DGKB: variants seen among roughly 807,000 people sequenced by gnomAD.
The protein encoded by DGKB is diacylglycerol kinase beta.
DGKB carries 67 observed loss-of-function variants against 114.3 expected under a neutral mutation model. The observed-to-expected ratio is 0.59, with a 90% CI of 0.48 to 0.72. DGKB has a LOEUF of 0.72. DGKB is among the 30% of genes least tolerant of loss of function. DGKB has a pLI of 0.00. For missense variants in DGKB, 907 were observed against 975.2 expected, an observed-to-expected ratio of 0.93 and a Z score of 0.93; for synonymous variants, 398 against 323.1, an observed-to-expected ratio of 1.23 and a Z score of -2.49.
At chr7:14,909,767 A>C (rs1435750834) in intron 1 of DGKB, among the ~76,000 whole-genome samples, 2 of 152,186 alleles carry the variant, frequency 1.3e-5, no homozygotes, top group African/African-American at 4.8e-5. Flanking sequence ...ATGGCTTTTG[A>C]GGTGGAATAG....
chr7:14,299,760 T>C (rs1052822319), intron 23 of DGKB, among the ~76,000 whole-genome samples: 1 of 152,092 alleles, frequency 6.6e-6, no homozygotes, highest in Non-Finnish European at 1.5e-5. Flanking sequence ...CTTTCACACC[T>C]GCCGCTTCCC....
In DGKB at chr7:14,614,812, G is replaced by C. The variant is rs1806218935; in HGVS notation, c.1285-1399C>G. Among the ~76,000 whole-genome samples, 2 of 152,030 alleles carry C rather than the reference G, an allele frequency of 1.3e-5. 1 individual carries two copies. On this transcript the variant is annotated intron_variant, in intron 15 of 25. Transcript: ENST00000402815. The stretch of plus-strand genomic sequence containing the variant: ...TTTCTATTTTACTTTCCATTGCAAA[G>C]AGGACAAAGTTTCTTTCTTCCTAAT...
intron 23 of DGKB, among the ~76,000 whole-genome samples, chr7:14,256,143 C>G (rs968616766): frequency 2.6e-5 from 4 of 152,136 alleles, no homozygotes; most frequent in African/African-American, 9.7e-5. Flanking sequence ...TCTATTGAAT[C>G]TTTGCTTTTT....
chr7:14,906,816 T>C (rs1179965371), upstream of DGKB, among the ~76,000 whole-genome samples: 3 of 152,210 alleles, frequency 2.0e-5, no homozygotes, highest in Admixed American at 6.5e-5. Flanking sequence ...CTTTGTCATG[T>C]TAATGTTTTT....
At chr7:14,801,957 T>C (rs2128051866) in intron 2 of DGKB, among the ~76,000 whole-genome samples, 2 of 139,772 alleles carry the variant, frequency 1.4e-5, no homozygotes, top group African/African-American at 5.7e-5. Flanking sequence ...CGCACACACA[T>C]ATACCCCACA....
intron 1 of DGKB, among the ~76,000 whole-genome samples, chr7:14,891,039 T>C (rs1479082849): frequency 6.6e-6 from 1 of 151,232 alleles, no homozygotes; most frequent in Non-Finnish European, 1.5e-5. Flanking sequence ...CTGTTAAACA[T>C]AAAAGAGAGG....
chr7:14,968,639 C>T (rs1382766799), intron 1 of DGKB, among the ~76,000 whole-genome samples: 1 of 152,106 alleles, frequency 6.6e-6, no homozygotes, highest in Non-Finnish European at 1.5e-5. Context: ...TTTGGATTCT[C>T]CTTACAAGGC....
At chr7:14,720,473 TTGTGTGTGTGTGTGTGTG>T (rs61654464) in intron 5 of DGKB, among the ~76,000 whole-genome samples, 25 of 136,558 alleles carry the variant, frequency 1.8e-4, no homozygotes, top group East Asian at 4.3e-4. Context: ...CCCGGCTGAT[TTGTGTGTGTGTGTGTGTG>T]TGTGTGTGTG....
At chr7:14,971,767 T>C (rs1373366257) in intron 1 of DGKB, among the ~76,000 whole-genome samples, 2 of 151,698 alleles carry the variant, frequency 1.3e-5, no homozygotes, top group Admixed American at 1.3e-4. Flanking sequence ...AAAGCATTTT[T>C]TTTTTTTTTT....
At chr7:14,452,265 C>T (rs1831638998) in intron 21 of DGKB, among the ~76,000 whole-genome samples, 1 of 151,868 alleles carries the variant, frequency 6.6e-6, no homozygotes, top group Admixed American at 6.6e-5. Context: ...ATTACTGAAG[C>T]AATAATAATA....
chr7:14,719,170 A>C (rs552236443), intron 5 of DGKB, among the ~76,000 whole-genome samples: 20 of 152,352 alleles, frequency 1.3e-4, no homozygotes, highest in Admixed American at 2.6e-4. Flanking sequence ...AATATTTGCC[A>C]ATACCATGAA....
chr7:14,609,932 A>G (rs1805216094), intron 16 of DGKB, among the ~76,000 whole-genome samples: 1 of 152,120 alleles, frequency 6.6e-6, no homozygotes. Context: ...GTGAATGTAA[A>G]TTAGTTCAGC....
intron 20 of DGKB, among the ~76,000 whole-genome samples, chr7:14,550,899 T>G (rs1795011082): frequency 6.6e-6 from 1 of 152,228 alleles, no homozygotes; most frequent in Non-Finnish European, 1.5e-5. Context: ...TTGATCATTT[T>G]CAAAGCCCAA....
At chr7:14,752,544 G>C (rs981703972) in intron 4 of DGKB, among the ~76,000 whole-genome samples, 1 of 152,172 alleles carries the variant, frequency 6.6e-6, no homozygotes, top group African/African-American at 2.4e-5. Context: ...CACACATAGA[G>C]CAGTAATATG....
chr7:14,668,339 G>C (rs1448939232), intron 13 of DGKB, among the ~76,000 whole-genome samples: 1 of 152,004 alleles, frequency 6.6e-6, no homozygotes, highest in Non-Finnish European at 1.5e-5. Context: ...TTTCTAGTTT[G>C]GGAAAGTTGG....
intron 1 of DGKB, among the ~76,000 whole-genome samples, chr7:14,927,668 T>A (rs1488981422): frequency 6.6e-6 from 1 of 152,118 alleles, no homozygotes; most frequent in East Asian, 1.9e-4. Flanking sequence ...AAAATATACC[T>A]TTTTCAATTA....
intron 21 of DGKB, among the ~76,000 whole-genome samples, chr7:14,402,031 T>G (rs1448385464): frequency 1.3e-5 from 2 of 151,568 alleles, no homozygotes; most frequent in African/African-American, 4.8e-5. Context: ...CCCTTTTAAA[T>G]CTTGCTCAAT....
rs186318487 is a variant in DGKB, at chr7:14,695,628, T to C, written c.592-1434A>G. On this transcript the variant is annotated intron_variant, in intron 8 of 25. Transcript: ENST00000402815. Reference sequence around the variant, plus strand: ...CATTCTCCTGCCTCAGCCTCCCGAGTAGCTGGGACTACAGGCGTCCGCCAC... The same window carrying C: ...CATTCTCCTGCCTCAGCCTCCCGAGCAGCTGGGACTACAGGCGTCCGCCAC... 6.8e-3 allele frequency among the ~76,000 whole-genome samples: 1,028 copies of C among 150,582 alleles called. 10 individuals carry two copies. Among genetic ancestry groups the C allele is most frequent in the African/African-American group, 0.023 (953 of 41,084 alleles).
intron 21 of DGKB, among the ~76,000 whole-genome samples, chr7:14,474,402 T>C (rs535105255): frequency 6.6e-6 from 1 of 152,236 alleles, no homozygotes; most frequent in Non-Finnish European, 1.5e-5. Flanking sequence ...ACCTTTCTTT[T>C]GTAAATTGTC....
Sources: allele counts gnomAD v4.1 joint callset (sites outside exome capture counted in the v4.1 genomes callset), GRCh38; gene constraint gnomAD v4.1.1; transcripts MANE v1.5; gene names NCBI Gene and HGNC (gene_info 2026-07-23, HGNC 2026-07-21).